Variants in IQANK1 observed in about 807,000 individuals in gnomAD.
IQANK1 encodes the protein IQ motif and ankyrin repeat domain-containing protein 1.
A neutral mutation model predicts 22.6 loss-of-function variants in IQANK1; 30 were observed. The ratio of observed to expected loss-of-function variants is 1.33; its 90% CI spans 0.99 to 1.80. The LOEUF is 1.80. Among genes scored for constraint, IQANK1 ranks in the 40% most tolerant of loss-of-function variants. The probability of loss-of-function intolerance (pLI) is 0.00; values close to 1 mark genes in which losing one functional copy is unlikely to be tolerated. For missense variants in IQANK1, 275 were observed against 235.2 expected (o/e 1.17, Z -1.11); for synonymous variants, 122 against 99.6 (o/e 1.23, Z -1.34).
At chr8:143,752,439 G>A (rs1331533057) in intron 3 of IQANK1, among the ~76,000 whole-genome samples, 1 of 152,136 alleles carries the variant, frequency 6.6e-6, no homozygotes, top group East Asian at 1.9e-4. Context: ...ATGTGTCTCA[G>A]TGTGGGTCTC....
At chr8:143,751,535 C>T (rs1029362432) in intron 3 of IQANK1, among the ~76,000 whole-genome samples, 59 of 149,778 alleles carry the variant, frequency 3.9e-4, no homozygotes, top group African/African-American at 1.4e-3. Flanking sequence ...TCACTTGAAC[C>T]TGGGAGGCAG....
At chr8:143,776,455 G>T (rs1819689068) in intron 7 of IQANK1, among the ~76,000 whole-genome samples, 1 of 152,046 alleles carries the variant, frequency 6.6e-6, no homozygotes, top group African/African-American at 2.4e-5. Context: ...CAAGACATTG[G>T]ACATCAGGCA....
chr8:143,748,886 C>CATAT (rs567977254), intron 3 of IQANK1, among the ~76,000 whole-genome samples: 37,472 of 96,500 alleles, frequency 0.39, 10,426 homozygotes, highest in African/African-American at 0.79. Context: ...ATATATATAT[C>CATAT]ATAAATACTT....
chr8:143,747,729 C>T lies in IQANK1; in HGVS notation c.175+7781C>T, dbSNP rs1178975875. Reference sequence around the variant, plus strand: ...GTTATTGATTTCTAACCTCATCCCACTGTGGTCAGAGAAGAAACTTTGCGC... The same window carrying T: ...GTTATTGATTTCTAACCTCATCCCATTGTGGTCAGAGAAGAAACTTTGCGC... On this transcript the variant is annotated intron_variant, in intron 3 of 13. Coordinates refer to ENST00000527139, the MANE Select transcript of IQANK1 (RefSeq NM_001381874.1). Among the ~76,000 whole-genome samples, 5 of 152,212 alleles carry T rather than the reference C, an allele frequency of 3.3e-5. No individual in the cohort carries two copies. In the East Asian group the frequency reaches 7.7e-4, roughly 23 times the overall value.
At chr8:143,740,517 A>G (rs1818878816) in intron 3 of IQANK1, among the ~76,000 whole-genome samples, 1 of 152,132 alleles carries the variant, frequency 6.6e-6, no homozygotes, top group South Asian at 2.1e-4. Context: ...CTCACTGCTC[A>G]TTCTGTCCTC....
chr8:143,742,190 GT>G, intron 3 of IQANK1: 1 of 359,762 alleles, frequency 2.8e-6, no homozygotes, highest in South Asian at 2.0e-5. Context: ...TCCCGGGCTC[GT>G]TCACTTCAGG....
intron 3 of IQANK1, among the ~76,000 whole-genome samples, chr8:143,748,875 AAT>A (rs1416097006): frequency 1.1e-5 from 1 of 91,826 alleles, no homozygotes; most frequent in African/African-American, 8.3e-5. Flanking sequence ...TAAATATATA[AAT>A]ATATATATCA....
intron 3 of IQANK1, among the ~76,000 whole-genome samples, chr8:143,752,342 T>G (rs1035612254): frequency 4.1e-4 from 63 of 152,314 alleles, no homozygotes; most frequent in Middle Eastern, 3.4e-3. Context: ...TGCTTGTCAT[T>G]TTATTGAGGA....
chr8:143,737,117 G>C (rs1423394257), intron 2 of IQANK1, among the ~76,000 whole-genome samples: 13 of 152,228 alleles, frequency 8.5e-5, no homozygotes, highest in Non-Finnish European at 1.8e-4. Context: ...TCTGAGGCCA[G>C]CCGCCCTCCT....
chr8:143,742,157 C>G (rs1818933808), intron 3 of IQANK1: 2 of 352,910 alleles, frequency 5.7e-6, no homozygotes, highest in South Asian at 4.2e-5. Context: ...CCAAGCCTTT[C>G]CCAGCTGTCC....
At chr8:143,780,737 TTAGGTTGAGTCCATGTCTTTGCTA>T (rs1819781762) in intron 7 of IQANK1, among the ~76,000 whole-genome samples, 2 of 152,194 alleles carry the variant, frequency 1.3e-5, no homozygotes, top group African/African-American at 4.8e-5. Flanking sequence ...TGATGGGCAT[TTAGGTTGAGTCCATGTCTTTGCTA>T]TTGTGAATAG....
chr8:143,780,432 C>CT (rs782107016), intron 7 of IQANK1, among the ~76,000 whole-genome samples: 6 of 152,106 alleles, frequency 3.9e-5, no homozygotes, highest in Admixed American at 6.5e-5. Context: ...TCACCAGGAA[C>CT]TAAGCCCAGT....
chr8:143,761,120 C>A (rs1587482410), intron 3 of IQANK1, among the ~76,000 whole-genome samples: 1 of 152,190 alleles, frequency 6.6e-6, no homozygotes, highest in East Asian at 1.9e-4. Flanking sequence ...ACTCCTGGGG[C>A]GCAGATCGGG....
intron 7 of IQANK1, among the ~76,000 whole-genome samples, chr8:143,773,300 C>CAAAAAAAA (rs1185632785): frequency 1.3e-5 from 1 of 79,696 alleles, no homozygotes; most frequent in Non-Finnish European, 2.7e-5. Context: ...GAGTGAGACT[C>CAAAAAAAA]AAAAAAAAAA....
At chr8:143,747,413 A>G (rs1247028142) in intron 3 of IQANK1, among the ~76,000 whole-genome samples, 1 of 151,778 alleles carries the variant, frequency 6.6e-6, no homozygotes, top group African/African-American at 2.4e-5. Flanking sequence ...CTTTGGCTTT[A>G]GTTTGGTCTT....
At chr8:143,738,753 C>T (rs1818812447) in intron 2 of IQANK1, among the ~76,000 whole-genome samples, 1 of 151,984 alleles carries the variant, frequency 6.6e-6, no homozygotes, top group Admixed American at 6.5e-5. Flanking sequence ...GAAACTCAAA[C>T]TGCAGGCCAC....
chr8:143,767,836 G>A (rs1171850934), intron 3 of IQANK1, among the ~76,000 whole-genome samples: 1 of 140,314 alleles, frequency 7.1e-6, no homozygotes, highest in Non-Finnish European at 1.5e-5. Flanking sequence ...AGTGAGCCAA[G>A]ATGGAGCCAC....
intron 2 of IQANK1, among the ~76,000 whole-genome samples, chr8:143,738,249 C>T (rs544375750): frequency 4.3e-4 from 66 of 152,310 alleles, no homozygotes; most frequent in Non-Finnish European, 7.6e-4. Context: ...CTGGATCCAG[C>T]GCCTCCTTCA....
intron 3 of IQANK1, among the ~76,000 whole-genome samples, chr8:143,748,721 AT>A (rs1554627564): frequency 8.9e-6 from 1 of 112,436 alleles, no homozygotes; most frequent in African/African-American, 3.9e-5. Flanking sequence ...TATATATCAT[AT>A]ATATCATATA....
Sources: allele counts gnomAD v4.1 joint callset (sites outside exome capture counted in the v4.1 genomes callset), GRCh38; gene constraint gnomAD v4.1.1; transcripts MANE v1.5; gene names NCBI Gene and HGNC (gene_info 2026-07-23, HGNC 2026-07-21).